Variants in CRLF1 observed in about 807,000 individuals in gnomAD.
The protein encoded by CRLF1 is cytokine receptor-like factor 1.
Under a neutral mutation model 48.9 loss-of-function variants are expected in CRLF1, and 36 were observed. The ratio of observed to expected loss-of-function variants is 0.74; its 90% CI spans 0.56 to 0.97. The LOEUF (loss-of-function observed/expected upper bound fraction) is 0.97. CRLF1 is among the 50% of genes least tolerant of loss of function. The probability of loss-of-function intolerance (pLI) is 0.00; values close to 1 mark genes in which losing one functional copy is unlikely to be tolerated. For missense variants in CRLF1, 534 were observed against 575.1 expected, an observed-to-expected ratio of 0.93 and a Z score of 0.73; for synonymous variants, 256 against 253.4, an observed-to-expected ratio of 1.01 and a Z score of -0.10.
In CRLF1 at chr19:18,606,480, G is replaced by GC; in HGVS notation, c.115+61dup. On this transcript the variant is annotated intron_variant, in intron 1 of 8. Coordinates refer to ENST00000392386, the MANE Select transcript of CRLF1 (RefSeq NM_004750.5). The surrounding 1 kb of genome is among the most constrained non-coding windows in gnomAD (Gnocchi z 4.8). ...GCCCGCGCCCCCTCCCCCCGCGGCT[G>GC]CCCCCGGGGCGCCCGCCCTCTGCTC... The GC allele has an allele frequency of 2.8e-6, 3 of 1,087,704 alleles. No individual in the cohort carries two copies. The highest frequency in any genetic ancestry group is 1.1e-6 in the Non-Finnish European group (1 of 894,918). 67.4% of individuals were successfully genotyped at this position (1,087,704 alleles called of 1,614,324 possible). A position where few individuals can be genotyped will look rare whatever the true frequency, so the allele number is the denominator to read the frequency against.
In CRLF1 at chr19:18,594,252, T is replaced by C. The variant is rs749586942; in HGVS notation, c.1207A>G (p.Asn403Asp). The change falls in exon 7 of 9, where the codon AAC becomes GAC. Residue 403 changes from asparagine to aspartate, a missense_variant. By Grantham distance (23) the Asn-to-Asp change is conservative. This residue lies in a region of CRLF1 where 528 missense variants were observed against 555.7 expected (regional missense o/e 0.95). Coordinates refer to ENST00000392386, the MANE Select transcript of CRLF1 (RefSeq NM_004750.5). ...CGAGGGTCCCTCCTTCCTACCTGGT[T>C]GCGGGTCTTGTGCGACTTCTGCATC... is the stretch of plus-strand genomic sequence containing the variant. ...AWMQKSHKTR[N>D]QDEGILPSGR... 4.3e-6 allele frequency: 7 copies of C among 1,612,450 alleles called. No homozygotes were observed. In the South Asian group the frequency reaches 7.7e-5, roughly 18 times the overall value.
chr19:18,600,221 C>T (rs1350078776), intron 1 of CRLF1, among the ~76,000 whole-genome samples: 3 of 151,926 alleles, frequency 2.0e-5, no homozygotes, highest in East Asian at 1.9e-4. Flanking sequence ...TTTTTTGAGA[C>T]GGAGTCTCGC....
At position 18,596,711 on chromosome 19, in the gene CRLF1, C is replaced by T. The variant is rs137853933; in HGVS notation, c.935G>A (p.Arg312His). Residue 312 changes from arginine (R) to histidine (H), a missense_variant, in exon 6 of 9, where the codon CGC (arginine) becomes CAC (histidine). Around this residue, in one of 2 missense-constraint regions of CRLF1, gnomAD observed 528 missense variants for 555.7 expected, o/e 0.95. Transcript: ENST00000392386. ...KPGTVYFVQV[R>H]CNPFGIYGSK... Reference sequence around the variant, plus strand: ...GCCATAGATGCCAAAGGGGTTGCAGCGCACTTGCACGAAGTACACGGTGCC... The same window carrying T: ...GCCATAGATGCCAAAGGGGTTGCAGTGCACTTGCACGAAGTACACGGTGCC... The T allele has an allele frequency of 1.4e-5, 22 of 1,614,064 alleles. No individual in the cohort carries two copies. The highest frequency in any genetic ancestry group is 1.9e-5 in the Non-Finnish European group (22 of 1,180,024).
chr19:18,599,079 C>T, intron 2 of CRLF1, 178 bp from the exon 3 acceptor site: 1 of 985,292 alleles, frequency 1.0e-6, no homozygotes, highest in African/African-American at 1.7e-5. Flanking sequence ...TGCAAGGGCT[C>T]TTGAGAGGCT....
Position 18,599,885 on chromosome 19 carries a change from G to T in CRLF1, c.116-39C>A, listed in dbSNP as rs776874950. The T allele has an allele frequency of 1.5e-5, 22 of 1,478,924 alleles. No individual in the cohort carries two copies. The South Asian group carries it at 3.2e-4, about 21-fold the overall frequency. The allele number at this position is 1,478,924 out of a possible 1,614,324, so 91.6% of individuals were successfully genotyped here. On this transcript the variant is annotated intron_variant, in intron 1 of 8. Coordinates refer to ENST00000392386, the MANE Select transcript of CRLF1 (RefSeq NM_004750.5). Reference sequence around the variant, plus strand: ...GGAACACGTGTCAGGCCAGGGCGGGGACCCTCCAAGCCCCCAACCATGCCA... The same window carrying T: ...GGAACACGTGTCAGGCCAGGGCGGGTACCCTCCAAGCCCCCAACCATGCCA...
At position 18,593,240 on chromosome 19, in the gene CRLF1, C is replaced by T; in HGVS notation, c.*326G>A. 2 of 355,828 alleles carry T rather than the reference C, an allele frequency of 5.6e-6. No individual in the cohort carries two copies. Among genetic ancestry groups the T allele is most frequent in the East Asian group, 1.0e-4 (2 of 19,846 alleles). 22.0% of individuals were successfully genotyped at this position (355,828 alleles called of 1,614,324 possible). A position where few individuals can be genotyped will look rare whatever the true frequency, so the allele number is the denominator to read the frequency against. On this transcript the variant is annotated 3_prime_UTR_variant, in exon 9 of 9. Transcript: ENST00000392386. ...CAAACTCACCTTCACAATCACAGCA[C>T]CTAAATAGCTCATTTATTTAAAAGG...
chr19:18,605,387 A>G (rs1327084218), intron 1 of CRLF1, among the ~76,000 whole-genome samples: 1 of 152,186 alleles, frequency 6.6e-6, no homozygotes, highest in Non-Finnish European at 1.5e-5. Context: ...ACAGCCCAGC[A>G]CAGGGTGGAT....
At chr19:18,597,922 C>T (rs1976163705) in intron 4 of CRLF1, among the ~76,000 whole-genome samples, 1 of 151,998 alleles carries the variant, frequency 6.6e-6, no homozygotes, top group South Asian at 2.1e-4. Context: ...TTCTGGGGGC[C>T]CCTGAGGGCA....
At chr19:18,594,030 G>GGGGGGGGGCCCCCCCCCCC in intron 8 of CRLF1, 35 bp downstream of exon 8, 1 of 1,315,314 alleles carries the variant, frequency 7.6e-7, no homozygotes, top group Non-Finnish European at 1.1e-6. Flanking sequence ...CCCTCCCCTT[G>GGGGGGGGGCCCCCCCCCCC]CTCCCTCCCG....
At chr19:18,597,132 CT>C in intron 4 of CRLF1, 83 bp from the exon 5 acceptor site, 2 of 1,456,562 alleles carry the variant, frequency 1.4e-6, no homozygotes, top group East Asian at 2.4e-5. Flanking sequence ...GGCACTTGGC[CT>C]AGATGGAACC....
chr19:18,593,824 C>T (rs1568439372), intron 8 of CRLF1: 3 of 985,342 alleles, frequency 3.0e-6, no homozygotes, highest in Non-Finnish European at 3.6e-6. Flanking sequence ...TCATTCATTT[C>T]GGAGGAGATT....
intron 1 of CRLF1, among the ~76,000 whole-genome samples, chr19:18,605,333 C>T (rs1017131433): frequency 2.0e-5 from 3 of 152,188 alleles, no homozygotes; most frequent in Admixed American, 2.0e-4. Context: ...AGAAGATGCC[C>T]GGACCCTGCC....
intron 4 of CRLF1, among the ~76,000 whole-genome samples, chr19:18,597,590 C>T (rs1036978522): frequency 4.0e-5 from 6 of 151,868 alleles, no homozygotes; most frequent in African/African-American, 7.3e-5. Flanking sequence ...CCACTACGCC[C>T]GGCTAAATTG....
intron 6 of CRLF1, among the ~76,000 whole-genome samples, chr19:18,596,072 A>AT (rs1976128076): frequency 6.6e-6 from 1 of 152,030 alleles, no homozygotes; most frequent in Non-Finnish European, 1.5e-5. Flanking sequence ...TAGATAATTT[A>AT]TTTTTCTAGG....
At chr19:18,597,941 A>T (rs1568441017) in intron 4 of CRLF1, among the ~76,000 whole-genome samples, 2 of 152,028 alleles carry the variant, frequency 1.3e-5, no homozygotes, top group African/African-American at 4.8e-5. Flanking sequence ...CAGCAGGGTG[A>T]GCTGGCCTCT....
Position 18,606,496 on chromosome 19 carries a change from C to T in CRLF1, c.115+46G>A, listed in dbSNP as rs1976298447. ...CCCGCGGCTGCCCCCGGGGCGCCCGCCCTCTGCTCTGGCAGGGGGGAAGGA... is the reference window on the plus strand; with the variant it reads ...CCCGCGGCTGCCCCCGGGGCGCCCGTCCTCTGCTCTGGCAGGGGGGAAGGA... On this transcript the variant is annotated intron_variant, in intron 1 of 8. Transcript: ENST00000392386. This position sits in a 1 kb window ranked among gnomAD's most constrained non-coding sequence, Gnocchi z 4.8. The T allele has an allele frequency of 5.3e-6, 6 of 1,124,402 alleles. No homozygotes were observed. Among genetic ancestry groups the T allele is most frequent in the Non-Finnish European group, 6.5e-6 (6 of 918,782 alleles). 69.7% of individuals were successfully genotyped at this position (1,124,402 alleles called of 1,614,324 possible). A position where few individuals can be genotyped will look rare whatever the true frequency, so the allele number is the denominator to read the frequency against.
rs1976296364 is a variant in CRLF1, at chr19:18,606,394, G to A, written c.115+148C>T. The A allele has an allele frequency of 1.9e-6, 1 of 522,218 alleles. No individual in the cohort carries two copies. The highest frequency in any genetic ancestry group is 2.1e-5 in the African/African-American group (1 of 48,062). The allele number at this position is 522,218 out of a possible 1,614,324, so 32.3% of individuals were successfully genotyped here. On this transcript the variant is annotated intron_variant, in intron 1 of 8. Transcript: ENST00000392386. This position sits in a 1 kb window ranked among gnomAD's most constrained non-coding sequence, Gnocchi z 4.8. The stretch of plus-strand genomic sequence containing the variant: ...CTGCGGCGCCGTGTGCCCCGCAGGT[G>A]AGGGCGCCCCGAGGGCTGCGCCGGG...
intron 1 of CRLF1, among the ~76,000 whole-genome samples, chr19:18,600,680 T>C (rs1245884105): frequency 6.6e-6 from 1 of 152,112 alleles, no homozygotes; most frequent in Non-Finnish European, 1.5e-5. Context: ...TTTGTATTTT[T>C]AGTAGAGACG....
At position 18,605,871 on chromosome 19, in the gene CRLF1, C is replaced by T. The variant is rs148305690; in HGVS notation, c.115+671G>A. Among the ~76,000 whole-genome samples, 504 of 152,290 alleles carry T rather than the reference C, an allele frequency of 3.3e-3. 5 individuals carry two copies. Among genetic ancestry groups the T allele is most frequent in the African/African-American group, 0.011 (476 of 41,574 alleles). ...GACTCACTGGCTCCCGCTCCCTCTC[C>T]CTCTCACCCACTCGCTCACAAAGAT... On this transcript the variant is annotated intron_variant, in intron 1 of 8. Coordinates refer to ENST00000392386, the MANE Select transcript of CRLF1 (RefSeq NM_004750.5).
Sources: allele counts gnomAD v4.1 joint callset (sites outside exome capture counted in the v4.1 genomes callset), GRCh38; gene constraint gnomAD v4.1.1; regional missense constraint gnomAD v4.1.1; non-coding constraint Gnocchi (gnomAD v3.1); transcripts MANE v1.5; gene names NCBI Gene and HGNC (gene_info 2026-07-23, HGNC 2026-07-21).